The following EIF4E2 variants were observed in gnomAD, a reference collection of about 807,000 sequenced individuals.
The protein encoded by EIF4E2 is eukaryotic translation initiation factor 4E type 2.
EIF4E2 carries 13 observed loss-of-function variants against 34.2 expected under a neutral mutation model. The ratio of observed to expected loss-of-function variants is 0.38; its 90% CI spans 0.25 to 0.60. The LOEUF is 0.60. EIF4E2 is among the 20% of genes least tolerant of loss of function. The probability of loss-of-function intolerance (pLI) is 0.62; values close to 1 mark genes in which losing one functional copy is unlikely to be tolerated. For synonymous variants in EIF4E2, 100 were observed against 106.6 expected, an observed-to-expected ratio of 0.94 and a Z score of 0.38; for missense variants, 222 against 315.1, an observed-to-expected ratio of 0.70 and a Z score of 2.24.
chr2:232,580,055 GAC>G (rs1431432990), intron 6 of EIF4E2, among the ~76,000 whole-genome samples: 5 of 146,562 alleles, frequency 3.4e-5, no homozygotes, highest in Non-Finnish European at 7.5e-5. Context: ...CAACTAAGAG[GAC>G]ACATATTGGG....
intron 1 of EIF4E2, among the ~76,000 whole-genome samples, chr2:232,552,657 C>T (rs1234181813): frequency 2.7e-5 from 4 of 145,498 alleles, no homozygotes; most frequent in Non-Finnish European, 4.5e-5. Context: ...GGTTCAAGCA[C>T]CTCTTGAGAA....
At chr2:232,576,212 A>AT (rs1484383032) in intron 6 of EIF4E2, among the ~76,000 whole-genome samples, 3 of 151,900 alleles carry the variant, frequency 2.0e-5, no homozygotes, top group Admixed American at 1.3e-4. Context: ...CAAAAAAAAA[A>AT]ACTGGGGATG....
intron 3 of EIF4E2, among the ~76,000 whole-genome samples, chr2:232,560,127 G>T (rs1692671976): frequency 1.3e-5 from 2 of 152,148 alleles, no homozygotes; most frequent in African/African-American, 4.8e-5. Context: ...GCCTAGAGGG[G>T]ACATAGAAGC....
At chr2:232,551,044 C>T in intron 1 of EIF4E2, 4 of 616,768 alleles carry the variant, frequency 6.5e-6, no homozygotes, top group Non-Finnish European at 8.9e-6. Context: ...TGCGGATTGC[C>T]TGCGACGTGG....
chr2:232,566,571 C>T lies in EIF4E2; in HGVS notation c.376-258C>T, dbSNP rs1434406828. ...TTTCGTTTTGATTCCTAAAGTATTT[C>T]CAGTAAAGGGGATTATTTTTAAAAG... is the stretch of plus-strand genomic sequence containing the variant. On this transcript the variant is annotated intron_variant, in intron 4 of 6. Coordinates refer to ENST00000258416, the MANE Select transcript of EIF4E2 (RefSeq NM_004846.4). This position sits in a 1 kb window ranked among gnomAD's most constrained non-coding sequence, Gnocchi z 4.9. Among the ~76,000 whole-genome samples, 1 of 152,148 alleles carries T rather than the reference C, an allele frequency of 6.6e-6. No homozygotes were observed. Among genetic ancestry groups the T allele is most frequent in the African/African-American group, 2.4e-5 (1 of 41,412 alleles).
intron 3 of EIF4E2, 136 bp downstream of exon 3, chr2:232,558,154 C>CA: frequency 8.7e-7 from 1 of 1,151,086 alleles, no homozygotes; most frequent in Non-Finnish European, 1.2e-6. Flanking sequence ...TCTCCGGAGT[C>CA]AGATTTGTTC....
intron 1 of EIF4E2, among the ~76,000 whole-genome samples, chr2:232,552,511 CAT>C (rs1335252709): frequency 6.6e-6 from 1 of 152,162 alleles, no homozygotes; most frequent in Non-Finnish European, 1.5e-5. Flanking sequence ...CCCCCAGCCT[CAT>C]ATGTTATTTC....
intron 1 of EIF4E2, among the ~76,000 whole-genome samples, chr2:232,554,806 T>TG (rs1335697452): frequency 2.0e-5 from 3 of 152,228 alleles, no homozygotes; most frequent in African/African-American, 7.2e-5. Flanking sequence ...GGGCTTTTCT[T>TG]GCATGGGGCC....
rs977899172 is a variant in EIF4E2, at chr2:232,550,974, G to T, written c.20+230G>T. On this transcript the variant is annotated intron_variant, in intron 1 of 6. Transcript: ENST00000258416. The stretch of plus-strand genomic sequence containing the variant: ...AACCGAGGGCGAAGAGCTGGGCCCG[G>T]GGGAGGGGTGGCTGTGCCGCCCGGT... 12 of 617,088 alleles carry T rather than the reference G, an allele frequency of 1.9e-5. No individual in the cohort carries two copies. The African/African-American group carries it at 2.2e-4, about 11-fold the overall frequency. The allele number at this position is 617,088 out of a possible 1,614,324, so 38.2% of individuals were successfully genotyped here. A position where few individuals can be genotyped will look rare whatever the true frequency, so the allele number is the denominator to read the frequency against.
In EIF4E2 at chr2:232,568,972, G is replaced by T. The variant is rs757664712; in HGVS notation, c.693G>T (p.Arg231Ser). 6 of 1,614,018 alleles carry T rather than the reference G, an allele frequency of 3.7e-6. No individual in the cohort carries two copies. Among genetic ancestry groups the T allele is most frequent in the South Asian group, 2.2e-5 (2 of 91,084 alleles). The change falls in exon 7 of 7, where the codon AGG (arginine) becomes AGT (serine). Residue 231 changes from arginine (R) to serine (S), a missense_variant. Physicochemically the swap from Arg to Ser is moderately radical, Grantham distance 110. Around this residue, in one of 3 missense-constraint regions of EIF4E2, gnomAD observed 30 missense variants for 26.3 expected, o/e 1.14. Coordinates refer to ENST00000258416, the MANE Select transcript of EIF4E2 (RefSeq NM_004846.4). ...IKMPGRLGPQ[R>S]LLFQNLWKPR... ...TGCCAGGCAGGCTGGGCCCCCAAAG[G>T]CTCCTTTTTCAAAACCTCTGGAAGC...
intron 1 of EIF4E2, among the ~76,000 whole-genome samples, chr2:232,552,546 G>C (rs1395664375): frequency 6.6e-6 from 1 of 152,156 alleles, no homozygotes; most frequent in Non-Finnish European, 1.5e-5. Context: ...TCTGTGAAGG[G>C]GATCTTGTTG....
At chr2:232,550,818 G>A in intron 1 of EIF4E2, 74 bp downstream of exon 1, 1 of 1,411,006 alleles carries the variant, frequency 7.1e-7, no homozygotes, top group Non-Finnish European at 9.5e-7. Flanking sequence ...CTGGGGCTGG[G>A]GCGGCGCAAA....
chr2:232,565,879 G>A (rs190432260), intron 4 of EIF4E2, among the ~76,000 whole-genome samples: 10 of 151,724 alleles, frequency 6.6e-5, no homozygotes, highest in African/African-American at 1.4e-4. Flanking sequence ...AGATCACGAG[G>A]TCAAGGGTTC....
chr2:232,557,796 G>C (rs943833394), intron 2 of EIF4E2, 88 bp from the exon 3 acceptor site: 31 of 1,420,278 alleles, frequency 2.2e-5, no homozygotes, highest in African/African-American at 2.8e-5. Context: ...AATTGTGGAG[G>C]TGGTAAGGAT....
At position 232,558,035 on chromosome 2, in the gene EIF4E2, T is replaced by A. The variant is rs368683481; in HGVS notation, c.270+17T>A. 6.8e-6 allele frequency: 11 copies of A among 1,613,560 alleles called. No homozygotes were observed. Among genetic ancestry groups the A allele is most frequent in the African/African-American group, 1.3e-5 (1 of 74,918 alleles). On this transcript the variant is annotated intron_variant, in intron 3 of 6. Coordinates refer to ENST00000258416, the MANE Select transcript of EIF4E2 (RefSeq NM_004846.4). ...TTTGCCTCTGTGAGTTCTTGGTGAA[T>A]TAATGGAGTGTGCCTTGATAGTTCG... is the stretch of plus-strand genomic sequence containing the variant.
chr2:232,561,213 C>T (rs970075639), intron 3 of EIF4E2, among the ~76,000 whole-genome samples: 2 of 151,726 alleles, frequency 1.3e-5, no homozygotes, highest in African/African-American at 2.4e-5. Context: ...GTGGGAGGAT[C>T]GCTTGAAGCC....
intron 6 of EIF4E2, among the ~76,000 whole-genome samples, chr2:232,576,217 G>A (rs1226336011): frequency 6.6e-6 from 1 of 151,912 alleles, no homozygotes; most frequent in Non-Finnish European, 1.5e-5. Flanking sequence ...AAAAAAACTG[G>A]GGATGCTTAC....
At chr2:232,559,079 G>A (rs980625628) in intron 3 of EIF4E2, among the ~76,000 whole-genome samples, 3 of 150,236 alleles carry the variant, frequency 2.0e-5, no homozygotes, top group African/African-American at 4.9e-5. Flanking sequence ...CAGAAACTAC[G>A]GGGGAGCGGG....
intron 3 of EIF4E2, among the ~76,000 whole-genome samples, chr2:232,563,973 A>G (rs190931407): frequency 2.0e-5 from 3 of 152,356 alleles, no homozygotes; most frequent in Non-Finnish European, 4.4e-5. Context: ...GGTTTCACCA[A>G]CTAAAGCTCC....
Sources: gnomAD v4.1 joint callset for allele counts (sites outside exome capture counted in the v4.1 genomes callset) on GRCh38, gnomAD v4.1.1 for gene constraint, gnomAD v4.1.1 regional missense constraint, Gnocchi (gnomAD v3.1) non-coding constraint, MANE v1.5 for transcripts, NCBI Gene and HGNC (gene_info 2026-07-23, HGNC 2026-07-21) for gene names.